Variants in RALYL observed in about 807,000 individuals in gnomAD.
RALYL encodes RALY RNA binding protein like, also known as RNA-binding Raly-like protein.
Under a neutral mutation model 35.1 loss-of-function variants are expected in RALYL, and 29 were observed. The observed-to-expected ratio is 0.83, with a 90% CI of 0.61 to 1.13. RALYL has a LOEUF of 1.13. RALYL is among the 50% of genes most tolerant of loss of function. The probability of loss-of-function intolerance (pLI) is 0.00; values close to 1 mark genes in which losing one functional copy is unlikely to be tolerated. For missense variants in RALYL, 359 were observed against 360.4 expected (o/e 1.00, Z 0.03); for synonymous variants, 120 against 127.6 (o/e 0.94, Z 0.40).
At chr8:84,520,205 G>A (rs1334358897) in intron 1 of RALYL, among the ~76,000 whole-genome samples, 3 of 152,186 alleles carry the variant, frequency 2.0e-5, no homozygotes, top group Non-Finnish European at 4.4e-5. Context: ...TTGATGAGCG[G>A]AAAGTTATGG....
chr8:84,841,688 C>T (rs1833408907), intron 4 of RALYL, among the ~76,000 whole-genome samples: 1 of 152,220 alleles, frequency 6.6e-6, no homozygotes, highest in South Asian at 2.1e-4. Context: ...CCACACCACC[C>T]TTATTCCAAA....
At chr8:84,651,117 T>C (rs1828714748) in intron 2 of RALYL, among the ~76,000 whole-genome samples, 1 of 151,916 alleles carries the variant, frequency 6.6e-6, no homozygotes, top group South Asian at 2.1e-4. Flanking sequence ...ATATACCTAA[T>C]GCTAAATGAT....
rs547728928 is a variant in RALYL at position 84,676,450 on chromosome 8, C to A, written c.257-98129C>A. Among the ~76,000 whole-genome samples the A allele has an allele frequency of 2.0e-5, 3 of 152,252 alleles. No individual in the cohort carries two copies. The East Asian group carries it at 5.8e-4, about 29-fold the overall frequency. On this transcript the variant is annotated intron_variant, in intron 2 of 8. Transcript: ENST00000521268. ...TTTATGAGAATGTTGCAATCAAAACCATGTCCTAACATTCCCAGTGTGCTC... is the reference window on the plus strand; with the variant it reads ...TTTATGAGAATGTTGCAATCAAAACAATGTCCTAACATTCCCAGTGTGCTC...
intron 1 of RALYL, among the ~76,000 whole-genome samples, chr8:84,343,503 G>A (rs189374049): frequency 1.3e-3 from 202 of 152,184 alleles, no homozygotes; most frequent in African/African-American, 4.5e-3. Context: ...ATACTTAGAT[G>A]TAAGTGAATT....
chr8:84,316,920 T>G (rs1843865850), intron 1 of RALYL, among the ~76,000 whole-genome samples: 3 of 152,190 alleles, frequency 2.0e-5, no homozygotes, highest in Admixed American at 1.3e-4. Context: ...GTTTTAGTTA[T>G]GTATCTGATT....
intron 1 of RALYL, among the ~76,000 whole-genome samples, chr8:84,483,775 T>A (rs904750454): frequency 1.3e-5 from 2 of 152,238 alleles, no homozygotes; most frequent in South Asian, 4.1e-4. Context: ...TTGAAAGCCA[T>A]CTCTGATCAA....
Position 84,307,073 on chromosome 8 carries a change from G to C in RALYL, c.-24+122649G>C, listed in dbSNP as rs530066979. ...CCTTTAGGATCAACAAGTGAGGCTT[G>C]AGGGTTCCAGTGGTTGATTCACACT... On this transcript the variant is annotated intron_variant, in intron 1 of 8. Coordinates refer to ENST00000521268, the MANE Select transcript of RALYL (RefSeq NM_173848.7). Among the ~76,000 whole-genome samples the C allele has an allele frequency of 2.4e-4, 36 of 152,258 alleles. 1 individual carries two copies. In the South Asian group the frequency reaches 7.3e-3, roughly 31 times the overall value.
chr8:84,192,906 T>TC (rs1554564124), intron 1 of RALYL, among the ~76,000 whole-genome samples: 2 of 59,454 alleles, frequency 3.4e-5, no homozygotes, highest in Admixed American at 2.0e-4. Flanking sequence ...TGTGTGTGTG[T>TC]GGGGGGGGGG....
chr8:84,300,614 G>T (rs1319533539), intron 1 of RALYL, among the ~76,000 whole-genome samples: 4 of 151,670 alleles, frequency 2.6e-5, no homozygotes, highest in African/African-American at 9.7e-5. Flanking sequence ...TATTAATCTG[G>T]GTGCTCCTGT....
chr8:84,321,745 TC>T (rs1256937680), intron 1 of RALYL, among the ~76,000 whole-genome samples: 2 of 152,090 alleles, frequency 1.3e-5, no homozygotes, highest in African/African-American at 4.8e-5. Context: ...TTTCCCATTC[TC>T]CACACCTTAC....
At chr8:84,784,662 C>G (rs1818948620) in intron 3 of RALYL, among the ~76,000 whole-genome samples, 1 of 151,972 alleles carries the variant, frequency 6.6e-6, no homozygotes, top group Admixed American at 6.6e-5. Flanking sequence ...AGAAAATAAT[C>G]TACAATTTCC....
At chr8:84,833,860 G>T (rs1831420601) in intron 4 of RALYL, among the ~76,000 whole-genome samples, 1 of 151,596 alleles carries the variant, frequency 6.6e-6, no homozygotes, top group Non-Finnish European at 1.5e-5. Flanking sequence ...TGAAGACAAT[G>T]AAATTATTTG....
chr8:84,346,863 A>G (rs1451783215), intron 1 of RALYL, among the ~76,000 whole-genome samples: 1 of 152,152 alleles, frequency 6.6e-6, no homozygotes, highest in Non-Finnish European at 1.5e-5. Flanking sequence ...ACAAATAAGT[A>G]TTCTAAAATA....
At chr8:84,753,450 G>A (rs2133245605) in intron 2 of RALYL, among the ~76,000 whole-genome samples, 1 of 152,232 alleles carries the variant, frequency 6.6e-6, no homozygotes, top group Admixed American at 6.5e-5. Context: ...TGCAATGTGA[G>A]GTTGTGAGAT....
intron 5 of RALYL, among the ~76,000 whole-genome samples, chr8:84,861,665 C>T (rs1205967699): frequency 1.3e-5 from 2 of 152,196 alleles, no homozygotes; most frequent in East Asian, 1.9e-4. Context: ...GTTTTATCCT[C>T]ACGCTAGCTT....
chr8:84,710,998 A>G (rs778457185), intron 2 of RALYL, among the ~76,000 whole-genome samples: 2 of 151,912 alleles, frequency 1.3e-5, no homozygotes, highest in Admixed American at 6.6e-5. Flanking sequence ...AGGAATTTCT[A>G]TTGTCTATGG....
intron 2 of RALYL, among the ~76,000 whole-genome samples, chr8:84,568,546 A>G (rs1268899890): frequency 1.2e-5 from 1 of 85,364 alleles, no homozygotes; most frequent in East Asian, 3.7e-4. Context: ...ATGATTTATA[A>G]TCCTTTGGGT....
chr8:84,673,920 C>T (rs1833727975), intron 2 of RALYL, among the ~76,000 whole-genome samples: 1 of 152,132 alleles, frequency 6.6e-6, no homozygotes, highest in South Asian at 2.1e-4. Flanking sequence ...TGAAGAATGG[C>T]AATGGTAGTT....
chr8:84,833,256 A>G (rs1831280660), intron 4 of RALYL, among the ~76,000 whole-genome samples: 1 of 152,226 alleles, frequency 6.6e-6, no homozygotes. Context: ...ACTAAACTAA[A>G]TATTTCCAAT....
Sources: allele counts gnomAD v4.1 joint callset (sites outside exome capture counted in the v4.1 genomes callset), GRCh38; gene constraint gnomAD v4.1.1; transcripts MANE v1.5; gene names NCBI Gene and HGNC (gene_info 2026-07-23, HGNC 2026-07-21).